ZMYM1: variants seen among roughly 807,000 people sequenced by gnomAD.
ZMYM1 encodes zinc finger MYM-type containing 1.
A neutral mutation model predicts 60.0 loss-of-function variants in ZMYM1; 39 were observed. The ratio of observed to expected loss-of-function variants is 0.65; its 90% CI spans 0.50 to 0.85. The LOEUF (loss-of-function observed/expected upper bound fraction) is 0.85, where lower values mean the gene tolerates loss of function less well. Among genes scored for constraint, ZMYM1 ranks in the 40% least tolerant of loss-of-function variants. The pLI, the probability that ZMYM1 is intolerant of heterozygous loss-of-function variation, is 0.00. For missense variants in ZMYM1, 1,171 were observed against 1,309.5 expected (o/e 0.89, Z 1.63); for synonymous variants, 413 against 454.0 (o/e 0.91, Z 1.15).
chr1:35,092,895 G>C (rs1643107846), intron 1 of ZMYM1, among the ~76,000 whole-genome samples: 1 of 152,172 alleles, frequency 6.6e-6, no homozygotes, highest in Non-Finnish European at 1.5e-5. Flanking sequence ...AGAGTGTTGG[G>C]ATTACAGGCG....
At chr1:35,105,622 A>AT (rs1050485425) in intron 6 of ZMYM1, among the ~76,000 whole-genome samples, 1 of 151,424 alleles carries the variant, frequency 6.6e-6, no homozygotes. Flanking sequence ...ATTTATTTTG[A>AT]TTTTTTTGAG....
chr1:35,071,089 G>T (rs1039605785), intron 1 of ZMYM1, among the ~76,000 whole-genome samples: 8 of 152,182 alleles, frequency 5.3e-5, no homozygotes, highest in Admixed American at 3.9e-4. Flanking sequence ...GTTTCGCCAT[G>T]TTGGCCAGGC....
chr1:35,105,126 CTTTTTTT>C (rs1029051953), intron 6 of ZMYM1, among the ~76,000 whole-genome samples: 40 of 96,558 alleles, frequency 4.1e-4, no homozygotes, highest in Admixed American at 1.3e-3. Flanking sequence ...TTATTTCTTT[CTTTTTTT>C]TTTTTTTTTT....
rs1644232456 is a variant in ZMYM1, at chr1:35,115,305, G to T, written c.*46G>T. ...CCTAAAAGACTTGTATTTCCATTGG[G>T]ATGTTTTCATTTCAAAATTGTTCAA... On this transcript the variant is annotated 3_prime_UTR_variant, in exon 10 of 10. Transcript: ENST00000359858. 2.0e-6 allele frequency: 3 copies of T among 1,489,934 alleles called. No homozygotes were observed. Among genetic ancestry groups the T allele is most frequent in the East Asian group, 2.3e-5 (1 of 42,936 alleles). The allele number at this position is 1,489,934 out of a possible 1,614,324, so 92.3% of individuals were successfully genotyped here.
At position 35,113,702 on chromosome 1, in the gene ZMYM1, A is replaced by G; in HGVS notation, c.1872A>G (p.Ile624Met). The G allele has an allele frequency of 6.2e-7, 1 of 1,613,850 alleles. No individual in the cohort carries two copies. The highest frequency in any genetic ancestry group is 8.5e-7 in the Non-Finnish European group (1 of 1,179,862). Residue 624 changes from isoleucine (I) to methionine (M), a missense_variant, in exon 10 of 10, where the codon ATA becomes ATG. Coordinates refer to ENST00000359858, the MANE Select transcript of ZMYM1 (RefSeq NM_024772.5). ...AAATTCAAAGTGATATTATCGAAAT[A>G]ATAAAGACTGAAATGTTGCAGGATA... ...STQIQSDIIE[I>M]IKTEMLQDIV...
Position 35,088,840 on chromosome 1 carries a change from C to G in ZMYM1, c.-74-5074C>G, listed in dbSNP as rs199801680. Among the ~76,000 whole-genome samples the G allele has an allele frequency of 2.5e-5, 3 of 122,234 alleles. No homozygotes were observed. In the East Asian group the frequency reaches 7.6e-4, roughly 31 times the overall value. The allele number at this position is 122,234 out of a possible 152,430, so 80.2% of individuals were successfully genotyped here. A position where few individuals can be genotyped will look rare whatever the true frequency, so the allele number is the denominator to read the frequency against. On this transcript the variant is annotated intron_variant, in intron 1 of 9. Coordinates refer to ENST00000359858, the MANE Select transcript of ZMYM1 (RefSeq NM_024772.5). ...TTTTTTTTTGTTTTTGAGACAGAGT[C>G]TCACACTCTTGCCTGAGCTGGAGTG...
At position 35,069,151 on chromosome 1, in the gene ZMYM1, A is replaced by G. The variant is rs752251226; in HGVS notation, c.-301+9226A>G. 1.1e-4 allele frequency among the ~76,000 whole-genome samples: 16 copies of G among 152,120 alleles called. 1 individual carries two copies. Among genetic ancestry groups the G allele is most frequent in the Non-Finnish European group, 2.2e-4 (15 of 68,010 alleles). On this transcript the variant is annotated intron_variant, in intron 1 of 10. Transcript: ENST00000417119. ...ACCTGGCCTGGAAGTTCTATTTTTAATATTTTGAGGAACTTCTATCCATTT... is the reference window on the plus strand; with the variant it reads ...ACCTGGCCTGGAAGTTCTATTTTTAGTATTTTGAGGAACTTCTATCCATTT...
In ZMYM1 at chr1:35,097,969, C is replaced by T. The variant is rs80353561; in HGVS notation, c.419+403C>T. Among the ~76,000 whole-genome samples the T allele has an allele frequency of 1.4e-4, 21 of 152,174 alleles. No individual in the cohort carries two copies. In the East Asian group the frequency reaches 3.5e-3, roughly 25 times the overall value. On this transcript the variant is annotated intron_variant, in intron 4 of 9. Transcript: ENST00000359858. ...CGGCCATTTTCATTTCTTTTGAAGA[C>T]GTGTCGTCTTGGTTTAGTAAAAAGA...
upstream of ZMYM1, among the ~76,000 whole-genome samples, chr1:35,075,575 A>T (rs1270136783): frequency 6.6e-6 from 1 of 152,156 alleles, no homozygotes; most frequent in Non-Finnish European, 1.5e-5. Context: ...TCCCACCTAG[A>T]AGAGTTGTAG....
At chr1:35,118,184 T>C (rs1638526852), downstream of ZMYM1, among the ~76,000 whole-genome samples, 1 of 143,380 alleles carries the variant, frequency 7.0e-6, no homozygotes. Context: ...GAGGTTGCAG[T>C]GAGCCAAGAT....
Position 35,115,242 on chromosome 1 carries a change from C to A in ZMYM1, c.3412C>A (p.Gln1138Lys). ...LNEIVEKFISQMKEI is the reference protein window; with the variant it reads ...LNEIVEKFISKMKEI The stretch of plus-strand genomic sequence containing the variant: ...TGAAATTGTGGAAAAGTTTATCAGT[C>A]AGATGAAAGAAATATAATACATGCT... Residue 1138 changes from glutamine to lysine, a missense_variant, in exon 10 of 10, where the codon CAG (glutamine) becomes AAG (lysine). By Grantham distance (53) the Gln-to-Lys change is moderately conservative. Coordinates refer to ENST00000359858, the MANE Select transcript of ZMYM1 (RefSeq NM_024772.5). 6.3e-7 allele frequency: 1 copy of A among 1,590,390 alleles called. No homozygotes were observed. Among genetic ancestry groups the A allele is most frequent in the South Asian group, 1.2e-5 (1 of 86,556 alleles).
At position 35,115,231 on chromosome 1, in the gene ZMYM1, AG is replaced by A; in HGVS notation, c.3402del (p.Lys1134AsnfsTer6). 1 of 1,596,300 alleles carries A rather than the reference AG, an allele frequency of 6.3e-7. No homozygotes were observed. Among genetic ancestry groups the A allele is most frequent in the Non-Finnish European group, 8.5e-7 (1 of 1,174,688 alleles). On this transcript the variant is annotated frameshift_variant, in exon 10 of 10. Coordinates refer to ENST00000359858, the MANE Select transcript of ZMYM1 (RefSeq NM_024772.5). LOFTEE classifies it high-confidence loss of function. ...EPERLNEIVE[K>X]FISQMKEI ...GAAAGACTCAATGAAATTGTGGAAA[AG>A]TTTATCAGTCAGATGAAAGAAATAT...
upstream of ZMYM1, among the ~76,000 whole-genome samples, chr1:35,075,520 G>T (rs1351854528): frequency 2.0e-5 from 3 of 151,972 alleles, 1 homozygote; most frequent in African/African-American, 7.3e-5. Context: ...TCCCCTCCAA[G>T]AGGATATGCC....
At chr1:35,110,965 A>G (rs1644067561) in intron 7 of ZMYM1, among the ~76,000 whole-genome samples, 1 of 151,930 alleles carries the variant, frequency 6.6e-6, no homozygotes, top group African/African-American at 2.4e-5. Flanking sequence ...TAAAAGATAC[A>G]TGTCTTTTTT....
At chr1:35,086,556 C>T (rs77342746) in intron 1 of ZMYM1, among the ~76,000 whole-genome samples, 1,565 of 152,116 alleles carry the variant, frequency 0.01, 31 homozygotes, top group African/African-American at 0.035. Flanking sequence ...AAAATAGTCT[C>T]TATATAAATT....
chr1:35,060,403 A>ACC (rs139526328), intron 1 of ZMYM1, among the ~76,000 whole-genome samples: 7 of 150,068 alleles, frequency 4.7e-5, no homozygotes, highest in African/African-American at 1.7e-4. Flanking sequence ...CTGGTGATCG[A>ACC]CCCCCCTCGG....
At position 35,073,811 on chromosome 1, in the gene ZMYM1, T is replaced by C. The variant is rs115833436; in HGVS notation, c.-300-5183T>C. Among the ~76,000 whole-genome samples, 632 of 152,252 alleles carry C rather than the reference T, an allele frequency of 4.2e-3. 5 individuals carry two copies. Among genetic ancestry groups the C allele is most frequent in the Non-Finnish European group, 7.6e-3 (520 of 68,012 alleles). On this transcript the variant is annotated intron_variant, in intron 1 of 10. Transcript: ENST00000417119. Reference sequence around the variant, plus strand: ...TCCCTATGATTTTGTGATGATGTGTTTCCATGTTGTTTGTCGCTCTGTCCC... The same window carrying C: ...TCCCTATGATTTTGTGATGATGTGTCTCCATGTTGTTTGTCGCTCTGTCCC...
chr1:35,062,123 C>T (rs1025537251), intron 1 of ZMYM1, among the ~76,000 whole-genome samples: 3 of 152,110 alleles, frequency 2.0e-5, no homozygotes, highest in South Asian at 4.1e-4. Context: ...AGCCACTGCG[C>T]CCAGCCTTAT....
intron 3 of ZMYM1, among the ~76,000 whole-genome samples, chr1:35,097,024 C>T (rs1267145975): frequency 1.3e-5 from 2 of 152,084 alleles, no homozygotes; most frequent in Non-Finnish European, 2.9e-5. Flanking sequence ...GGGGTTTCAC[C>T]ATGTTGGCCA....
Sources: gnomAD v4.1 joint callset for allele counts (sites outside exome capture counted in the v4.1 genomes callset) on GRCh38, gnomAD v4.1.1 for gene constraint, MANE v1.5 for transcripts, NCBI Gene and HGNC (gene_info 2026-07-23, HGNC 2026-07-21) for gene names.